SLC9A9: variants seen among roughly 807,000 people sequenced by gnomAD.
The protein encoded by SLC9A9 is sodium/hydrogen exchanger 9.
SLC9A9 carries 62 observed loss-of-function variants against 77.8 expected under a neutral mutation model. That is an observed-to-expected ratio of 0.80 (90% confidence interval 0.65 to 0.98). The LOEUF is 0.98. Ranked by LOEUF, SLC9A9 falls within the 50% of genes least tolerant of loss-of-function variation. The pLI is 0.00. For missense variants in SLC9A9, 775 were observed against 774.9 expected (o/e 1.00, Z 0.00); for synonymous variants, 320 against 283.5 (o/e 1.13, Z -1.29).
At chr3:143,535,322 T>C (rs900888944) in intron 9 of SLC9A9, among the ~76,000 whole-genome samples, 7 of 152,186 alleles carry the variant, frequency 4.6e-5, no homozygotes, top group Non-Finnish European at 8.8e-5. Flanking sequence ...AATCCACTAG[T>C]ATATAATGTT....
intron 14 of SLC9A9, among the ~76,000 whole-genome samples, chr3:143,352,873 T>C (rs112712518): frequency 1.2e-4 from 18 of 152,342 alleles, no homozygotes; most frequent in African/African-American, 4.3e-4. Context: ...TAGATCAGCT[T>C]CCATACAGCC....
At chr3:143,669,744 C>G (rs10513215) in intron 5 of SLC9A9, among the ~76,000 whole-genome samples, 2 of 152,192 alleles carry the variant, frequency 1.3e-5, no homozygotes, top group Non-Finnish European at 2.9e-5. Flanking sequence ...TGCAAATGAA[C>G]TTGGTGATCT....
intron 4 of SLC9A9, among the ~76,000 whole-genome samples, chr3:143,745,147 T>C (rs1044088471): frequency 1.3e-5 from 2 of 152,180 alleles, no homozygotes; most frequent in African/African-American, 4.8e-5. Flanking sequence ...TATACTAGTT[T>C]GATGTTCAGG....
chr3:143,675,547 A>C (rs1363871340), intron 5 of SLC9A9, among the ~76,000 whole-genome samples: 2 of 152,032 alleles, frequency 1.3e-5, no homozygotes, highest in East Asian at 3.9e-4. Flanking sequence ...TTCTTAGCAC[A>C]CTTTAGCTAC....
chr3:143,275,391 C>A (rs999141390), intron 14 of SLC9A9, among the ~76,000 whole-genome samples: 13 of 152,136 alleles, frequency 8.5e-5, no homozygotes, highest in African/African-American at 2.4e-4. Flanking sequence ...ATTGTGTGCT[C>A]TTTCAATGTA....
intron 6 of SLC9A9, among the ~76,000 whole-genome samples, chr3:143,619,748 G>A (rs2038167745): frequency 6.6e-6 from 1 of 152,188 alleles, no homozygotes; most frequent in African/African-American, 2.4e-5. Flanking sequence ...GGACCAAGTC[G>A]AAGCACTTCT....
At chr3:143,457,425 C>T (rs2035114018) in intron 12 of SLC9A9, among the ~76,000 whole-genome samples, 1 of 152,102 alleles carries the variant, frequency 6.6e-6, no homozygotes, top group Non-Finnish European at 1.5e-5. Context: ...TTTTGGTCAT[C>T]GATTTTTCTC....
intron 9 of SLC9A9, among the ~76,000 whole-genome samples, chr3:143,549,259 G>C (rs372041780): frequency 7.2e-5 from 11 of 152,258 alleles, no homozygotes; most frequent in Middle Eastern, 3.4e-3. Flanking sequence ...GTGTGGCTAA[G>C]AGCCTCTGAC....
At chr3:143,827,976 T>G (rs967702448) in intron 2 of SLC9A9, among the ~76,000 whole-genome samples, 4 of 152,190 alleles carry the variant, frequency 2.6e-5, no homozygotes, top group African/African-American at 9.7e-5. Flanking sequence ...TGTGAAACGC[T>G]CTAGGTCTTA....
Position 143,306,355 on chromosome 3 carries a change from C to T in SLC9A9, c.1605-37375G>A, listed in dbSNP as rs1288445779. Among the ~76,000 whole-genome samples, 3 of 152,222 alleles carry T rather than the reference C, an allele frequency of 2.0e-5. No homozygotes were observed. In the East Asian group the frequency reaches 5.8e-4, roughly 29 times the overall value. The stretch of plus-strand genomic sequence containing the variant: ...CCAGGGCAGATGCCTGTACTGTGAA[C>T]CTGTCTGCTTTCAGTTTTCCACCTA... On this transcript the variant is annotated intron_variant, in intron 14 of 15. Coordinates refer to ENST00000316549, the MANE Select transcript of SLC9A9 (RefSeq NM_173653.4).
chr3:143,435,363 G>A (rs539834423), intron 12 of SLC9A9, among the ~76,000 whole-genome samples: 12 of 152,284 alleles, frequency 7.9e-5, no homozygotes, highest in East Asian at 3.9e-4. Flanking sequence ...GTCCAATGGC[G>A]TTGTGTTTCT....
intron 6 of SLC9A9, among the ~76,000 whole-genome samples, chr3:143,641,501 A>C (rs2038622566): frequency 7.2e-6 from 1 of 139,840 alleles, no homozygotes; most frequent in Admixed American, 8.2e-5. Flanking sequence ...TCATGCCATT[A>C]TCCTGCTTCA....
intron 12 of SLC9A9, among the ~76,000 whole-genome samples, chr3:143,393,870 T>G (rs1236311684): frequency 4.0e-5 from 6 of 151,494 alleles, no homozygotes; most frequent in African/African-American, 7.3e-5. Context: ...ATAAATTCCT[T>G]GACACATACA....
At chr3:143,309,825 G>C (rs1209219121) in intron 14 of SLC9A9, among the ~76,000 whole-genome samples, 2 of 152,076 alleles carry the variant, frequency 1.3e-5, no homozygotes, top group Non-Finnish European at 2.9e-5. Flanking sequence ...TTATGTGCCT[G>C]GTGGTTGGAA....
chr3:143,620,527 T>A (rs1031790425), intron 6 of SLC9A9: 1 of 152,156 alleles, frequency 6.6e-6, no homozygotes, highest in African/African-American at 2.4e-5. Context: ...GGAGCCCACG[T>A]GGGTGTGGGC....
intron 6 of SLC9A9, among the ~76,000 whole-genome samples, chr3:143,586,485 G>T (rs1304417406): frequency 6.6e-6 from 1 of 152,118 alleles, no homozygotes; most frequent in African/African-American, 2.4e-5. Flanking sequence ...TTGGGCCTGG[G>T]TGTCACAGGT....
chr3:143,829,705 T>C (rs1363868132), intron 2 of SLC9A9, among the ~76,000 whole-genome samples: 1 of 152,164 alleles, frequency 6.6e-6, no homozygotes, highest in East Asian at 1.9e-4. Flanking sequence ...TCAAACATTA[T>C]CTAATAGTAG....
chr3:143,339,815 G>T (rs1376178799), intron 14 of SLC9A9, among the ~76,000 whole-genome samples: 2 of 152,108 alleles, frequency 1.3e-5, no homozygotes, highest in African/African-American at 4.8e-5. Context: ...AACAACTGTT[G>T]CTCAATTCAC....
intron 11 of SLC9A9, among the ~76,000 whole-genome samples, chr3:143,487,558 G>T (rs1315029548): frequency 3.3e-5 from 5 of 151,776 alleles, no homozygotes; most frequent in African/African-American, 1.2e-4. Flanking sequence ...AAAAAGATAG[G>T]ACAACAGTGG....
Sources: allele counts gnomAD v4.1 joint callset (sites outside exome capture counted in the v4.1 genomes callset), GRCh38; gene constraint gnomAD v4.1.1; transcripts MANE v1.5; gene names NCBI Gene and HGNC (gene_info 2026-07-23, HGNC 2026-07-21).